Variants in ATP8B4 observed in about 807,000 individuals in gnomAD.
ATP8B4 encodes ATPase phospholipid transporting 8B4 (putative), also known as probable phospholipid-transporting ATPase IM.
Under a neutral mutation model 145.6 loss-of-function variants are expected in ATP8B4, and 133 were observed. That is an observed-to-expected ratio of 0.91 (90% CI 0.79 to 1.05). The LOEUF (loss-of-function observed/expected upper bound fraction) is 1.05. Among genes scored for constraint, ATP8B4 ranks in the 50% least tolerant of loss-of-function variants. The probability of loss-of-function intolerance (pLI) is 0.00; values close to 1 mark genes in which losing one functional copy is unlikely to be tolerated. For missense variants in ATP8B4, 1,458 were observed against 1,425.2 expected, an observed-to-expected ratio of 1.02 and a Z score of -0.37; for synonymous variants, 507 against 492.9, an observed-to-expected ratio of 1.03 and a Z score of -0.38.
At chr15:50,102,643 C>T (rs1237778688) in intron 2 of ATP8B4, among the ~76,000 whole-genome samples, 2 of 152,082 alleles carry the variant, frequency 1.3e-5, no homozygotes, top group Admixed American at 1.3e-4. Flanking sequence ...CACAAGAATT[C>T]ACAAATGAAT....
chr15:49,974,722 T>C (rs986247504), intron 12 of ATP8B4, among the ~76,000 whole-genome samples: 3 of 152,214 alleles, frequency 2.0e-5, no homozygotes, highest in Non-Finnish European at 4.4e-5. Context: ...CTTATCCCAA[T>C]TGAAATTTTT....
intron 1 of ATP8B4, among the ~76,000 whole-genome samples, chr15:50,176,640 G>A (rs914693169): frequency 6.6e-6 from 1 of 152,148 alleles, no homozygotes; most frequent in Non-Finnish European, 1.5e-5. Flanking sequence ...TGAAAGAAGA[G>A]AGAGAAAGCT....
At chr15:50,023,494 G>T (rs958138240) in intron 6 of ATP8B4, among the ~76,000 whole-genome samples, 1 of 151,956 alleles carries the variant, frequency 6.6e-6, no homozygotes, top group African/African-American at 2.4e-5. Flanking sequence ...ACATTTTTAG[G>T]CATCTATTAC....
chr15:50,113,567 G>A (rs566693470), intron 1 of ATP8B4, among the ~76,000 whole-genome samples: 6 of 152,178 alleles, frequency 3.9e-5, no homozygotes, highest in South Asian at 4.2e-4. Flanking sequence ...GGCCAGGAGC[G>A]GTGGCTCACA....
chr15:50,125,500 C>T (rs182743402), intron 1 of ATP8B4, among the ~76,000 whole-genome samples: 173 of 152,278 alleles, frequency 1.1e-3, no homozygotes, highest in African/African-American at 4.0e-3. Context: ...TTTCCAAGCC[C>T]CAATTCTGTA....
intron 1 of ATP8B4, among the ~76,000 whole-genome samples, chr15:50,179,630 G>A (rs2555491): frequency 0.8 from 116,859 of 145,504 alleles, 46,154 homozygotes; most frequent in East Asian, 0.94. Context: ...TAGAGCCTTT[G>A]GGGAGTAATT....
At chr15:49,916,838 A>C in intron 20 of ATP8B4, 96 bp downstream of exon 20, 23 of 1,107,556 alleles carry the variant, frequency 2.1e-5, no homozygotes, top group Non-Finnish European at 2.6e-5. Flanking sequence ...GACCACAGGA[A>C]ACTATAGCAT....
At chr15:50,181,308 A>G (rs2044844116) in intron 1 of ATP8B4, among the ~76,000 whole-genome samples, 1 of 152,244 alleles carries the variant, frequency 6.6e-6, no homozygotes, top group African/African-American at 2.4e-5. Flanking sequence ...CACTTCGTAC[A>G]GAAGTAGCAC....
chr15:50,139,345 C>A (rs999240931), intron 1 of ATP8B4, among the ~76,000 whole-genome samples: 15 of 151,962 alleles, frequency 9.9e-5, no homozygotes, highest in African/African-American at 3.6e-4. Flanking sequence ...AACAGAAAAC[C>A]AAACACCGCA....
chr15:50,142,746 C>A (rs1304034257), intron 1 of ATP8B4, among the ~76,000 whole-genome samples: 4 of 152,150 alleles, frequency 2.6e-5, no homozygotes, highest in Non-Finnish European at 1.5e-5. Flanking sequence ...TTTCCAGGCA[C>A]TGAAGTGTGG....
chr15:49,905,636 T>A (rs192580028), intron 20 of ATP8B4, among the ~76,000 whole-genome samples: 6 of 152,332 alleles, frequency 3.9e-5, no homozygotes, highest in Admixed American at 3.9e-4. Flanking sequence ...TAACATTATT[T>A]TCCAGTCAGC....
chr15:49,954,346 C>T (rs1460253436), intron 14 of ATP8B4, among the ~76,000 whole-genome samples: 2 of 152,112 alleles, frequency 1.3e-5, no homozygotes, highest in Admixed American at 6.5e-5. Flanking sequence ...GACCTAATTA[C>T]ACTAAAGAGC....
At chr15:50,118,323 C>T (rs1038232368) in intron 1 of ATP8B4, among the ~76,000 whole-genome samples, 1 of 151,928 alleles carries the variant, frequency 6.6e-6, no homozygotes, top group Non-Finnish European at 1.5e-5. Flanking sequence ...TAAATATGTG[C>T]AGTTATTACA....
Position 49,987,411 on chromosome 15 carries a change from A to G in ATP8B4, c.728T>C (p.Phe243Ser). The G allele has an allele frequency of 6.2e-7, 1 of 1,613,712 alleles. No individual in the cohort carries two copies. The highest frequency in any genetic ancestry group is 1.1e-5 in the South Asian group (1 of 91,054). ...GCILRNTSWC[F>S]GMVIFAGPDT... Reference sequence around the variant, plus strand: ...TGTACCTGCAAAAATAACCATTCCAAAACACCAGCTGGTATTTCTCAGGAT... The same window carrying G: ...TGTACCTGCAAAAATAACCATTCCAGAACACCAGCTGGTATTTCTCAGGAT... Residue 243 changes from phenylalanine (F) to serine (S), a missense_variant, in exon 10 of 28, where the codon TTT becomes TCT. Transcript: ENST00000284509.
intron 26 of ATP8B4, among the ~76,000 whole-genome samples, chr15:49,864,859 T>A (rs567351588): frequency 6.6e-6 from 1 of 152,340 alleles, no homozygotes; most frequent in African/African-American, 2.4e-5. Context: ...AAATTTTCCA[T>A]GAAAATAGGC....
chr15:50,095,260 C>T (rs1408632386), intron 2 of ATP8B4, among the ~76,000 whole-genome samples: 1 of 151,508 alleles, frequency 6.6e-6, no homozygotes, highest in Non-Finnish European at 1.5e-5. Flanking sequence ...AGGTGTCCAC[C>T]CAAAAAATCA....
At chr15:50,130,118 A>T (rs998938506) in intron 1 of ATP8B4, among the ~76,000 whole-genome samples, 6 of 152,272 alleles carry the variant, frequency 3.9e-5, no homozygotes, top group Non-Finnish European at 8.8e-5. Flanking sequence ...CAGCCTGCAT[A>T]GATGCCCTTT....
At chr15:49,961,733 G>A (rs2044097498) in intron 14 of ATP8B4, among the ~76,000 whole-genome samples, 1 of 152,028 alleles carries the variant, frequency 6.6e-6, no homozygotes, top group African/African-American at 2.4e-5. Context: ...CTATGTAAAA[G>A]GTGTGGAAAT....
intron 2 of ATP8B4, among the ~76,000 whole-genome samples, chr15:50,104,059 C>T (rs2056531467): frequency 1.3e-5 from 2 of 152,030 alleles, no homozygotes; most frequent in Non-Finnish European, 2.9e-5. Context: ...ATTCTCATCT[C>T]TCACCTTATA....
Sources: allele counts gnomAD v4.1 joint callset (sites outside exome capture counted in the v4.1 genomes callset), GRCh38; gene constraint gnomAD v4.1.1; transcripts MANE v1.5; gene names NCBI Gene and HGNC (gene_info 2026-07-23, HGNC 2026-07-21).